The following MYO7A variants were observed in gnomAD, a reference collection of about 807,000 sequenced individuals.
MYO7A encodes the protein unconventional myosin-VIIa.
A neutral mutation model predicts 263.8 loss-of-function variants in MYO7A; 210 were observed. The ratio of observed to expected loss-of-function variants is 0.80; its 90% confidence interval spans 0.71 to 0.89. The LOEUF (loss-of-function observed/expected upper bound fraction) is 0.89, where lower values mean the gene tolerates loss of function less well. Among genes scored for constraint, MYO7A ranks in the 40% least tolerant of loss-of-function variants. The pLI, the probability that MYO7A is intolerant of heterozygous loss-of-function variation, is 0.00. For missense variants in MYO7A, 2,820 were observed against 2,968.3 expected, an observed-to-expected ratio of 0.95 and a Z score of 1.16; for synonymous variants, 1,239 against 1,197.3, an observed-to-expected ratio of 1.03 and a Z score of -0.72.
At position 77,193,021 on chromosome 11, in the gene MYO7A, A is replaced by G. The variant is rs1179061690; in HGVS notation, c.4152+743A>G. 4.3e-4 allele frequency among the ~76,000 whole-genome samples: 52 copies of G among 120,262 alleles called. 11 individuals carry two copies. Among genetic ancestry groups the G allele is most frequent in the African/African-American group, 7.9e-4 (20 of 25,252 alleles). 78.9% of individuals were successfully genotyped at this position (120,262 alleles called of 152,430 possible). ...TGATGCTGTTGGTGATGGTGGAGGT[A>G]GCGATGGTGTTGTTGGTGATGGTGG... On this transcript the variant is annotated intron_variant, in intron 31 of 48. Transcript: ENST00000409709.
rs1200146134 is a variant in MYO7A at position 77,156,925 on chromosome 11, T to A, written c.656T>A (p.Ile219Asn). 3 of 1,613,844 alleles carry A rather than the reference T, an allele frequency of 1.9e-6. No homozygotes were observed. Among genetic ancestry groups the A allele is most frequent in the Non-Finnish European group, 2.5e-6 (3 of 1,179,892 alleles). The change falls in exon 7 of 49, where the codon ATC (isoleucine) becomes AAC (asparagine). Residue 219 changes from isoleucine (I) to asparagine (N), a missense_variant. Ile to Asn is a moderately radical substitution (Grantham distance 149). Transcript: ENST00000409709. ...AGCCGTTTCGGAAAGTACATCGACA[T>A]CCACTTCAACAAGCGGGGCGCCATC... The part of the protein sequence containing the change: ...NSSRFGKYID[I>N]HFNKRGAIEG...
Position 77,214,955 on chromosome 11 carries a change from T to C in MYO7A, c.*259T>C, listed in dbSNP as rs1313766428. 4.3e-6 allele frequency: 2 copies of C among 469,464 alleles called. No homozygotes were observed. The highest frequency in any genetic ancestry group is 6.0e-5 in the South Asian group (2 of 33,500). The allele number at this position is 469,464 out of a possible 1,614,324, so 29.1% of individuals were successfully genotyped here. ...TAGTTTGCTGTGGCCTTCCCGGTTG[T>C]GAGAGCCTGTGATCCTTAGATGTGT... On this transcript the variant is annotated 3_prime_UTR_variant, in exon 49 of 49. Coordinates refer to ENST00000409709, the MANE Select transcript of MYO7A (RefSeq NM_000260.4).
chr11:77,184,458 G>C, intron 26 of MYO7A, 130 bp from the exon 27 acceptor site: 6 of 748,910 alleles, frequency 8.0e-6, no homozygotes, highest in Non-Finnish European at 1.3e-5. Flanking sequence ...GACAGTGATG[G>C]GGAGCCCAGT....
intron 2 of MYO7A, among the ~76,000 whole-genome samples, chr11:77,136,942 C>G (rs1214817914): frequency 2.0e-5 from 3 of 152,158 alleles, no homozygotes; most frequent in Non-Finnish European, 4.4e-5. Flanking sequence ...AGGCTGGGAG[C>G]TCTGAGGACA....
At chr11:77,155,709 G>A (rs577988544) in intron 4 of MYO7A, among the ~76,000 whole-genome samples, 198 bp from the exon 5 acceptor site, 1 of 152,186 alleles carries the variant, frequency 6.6e-6, no homozygotes, top group Non-Finnish European at 1.5e-5. Context: ...CACTAACTCC[G>A]AGCCAGACCC....
chr11:77,141,864 C>T (rs1162107458), intron 2 of MYO7A, among the ~76,000 whole-genome samples: 1 of 152,224 alleles, frequency 6.6e-6, no homozygotes, highest in Non-Finnish European at 1.5e-5. Context: ...TGACAGCACT[C>T]ACCAGTATCC....
rs570806660 is a variant in MYO7A at position 77,132,994 on chromosome 11, C to T, written c.18+2342C>T. The stretch of plus-strand genomic sequence containing the variant: ...CTGAAGCATACTTCCTGCTTGAAGG[C>T]AGGAGGAGCAGGCATTCACCTACTA... On this transcript the variant is annotated intron_variant, in intron 2 of 48. Coordinates refer to ENST00000409709, the MANE Select transcript of MYO7A (RefSeq NM_000260.4). 2.2e-4 allele frequency among the ~76,000 whole-genome samples: 34 copies of T among 152,294 alleles called. No individual in the cohort carries two copies. In the South Asian group the frequency reaches 7.0e-3, roughly 32 times the overall value.
chr11:77,170,394 G>GGAGGGGCTT (rs1323860869), intron 15 of MYO7A, among the ~76,000 whole-genome samples: 1 of 152,176 alleles, frequency 6.6e-6, no homozygotes, highest in African/African-American at 2.4e-5. Flanking sequence ...TGGAGGGGCT[G>GGAGGGGCTT]GAGGGGAGGG....
In MYO7A at chr11:77,138,864, G is replaced by T. The variant is rs1225590432; in HGVS notation, c.19-3845G>T. On this transcript the variant is annotated intron_variant, in intron 2 of 48. Transcript: ENST00000409709. This position sits in a 1 kb window ranked among gnomAD's most constrained non-coding sequence, Gnocchi z 4.9. ...CTCACGTTTCCCATCTGTGAAAATG[G>T]GGTGATAAAACCGGTGTCCCAGAGT... 6.6e-6 allele frequency among the ~76,000 whole-genome samples: 1 copy of T among 152,244 alleles called. No individual in the cohort carries two copies.
At position 77,211,171 on chromosome 11, in the gene MYO7A, G is replaced by C. The variant is rs770778096; in HGVS notation, c.6071G>C (p.Arg2024Pro). Reference protein sequence around the residue: ...HYYQELPKYLRGYHKCTREEV... With the variant: ...HYYQELPKYLPGYHKCTREEV... Reference sequence around the variant, plus strand: ...TGACAGGAGTTGCCCAAGTATCTCCGAGGCTACCACAAGTGCACGCGGGAG... The same window carrying C: ...TGACAGGAGTTGCCCAAGTATCTCCCAGGCTACCACAAGTGCACGCGGGAG... The change falls in exon 45 of 49, where the codon CGA becomes CCA. Residue 2024 changes from arginine (R) to proline (P), a missense_variant. Arg to Pro is a moderately radical substitution (Grantham distance 103). Transcript: ENST00000409709. The C allele has an allele frequency of 1.3e-6, 2 of 1,586,244 alleles. No individual in the cohort carries two copies. Among genetic ancestry groups the C allele is most frequent in the Admixed American group, 3.6e-5 (2 of 56,314 alleles).
chr11:77,182,258 G>T (rs1955296404), intron 24 of MYO7A, 104 bp downstream of exon 24: 2 of 1,486,000 alleles, frequency 1.3e-6, no homozygotes, highest in South Asian at 2.5e-5. Flanking sequence ...GTGGGTCCCT[G>T]GGGGCCAGGG....
At chr11:77,183,816 C>T (rs1169856767) in intron 26 of MYO7A, among the ~76,000 whole-genome samples, 2 of 152,178 alleles carry the variant, frequency 1.3e-5, no homozygotes, top group Non-Finnish European at 1.5e-5. Context: ...GAGTCAGGGG[C>T]TCCCACTTCA....
intron 30 of MYO7A, 106 bp from the exon 31 acceptor site, chr11:77,191,945 C>G: frequency 2.0e-6 from 2 of 1,007,144 alleles, no homozygotes. Flanking sequence ...GTCCCTGCCC[C>G]TCGCTGGGCC....
rs1555083348 is a variant in MYO7A at position 77,180,393 on chromosome 11, C to T, written c.2606C>T (p.Ala869Val). 2 of 1,612,722 alleles carry T rather than the reference C, an allele frequency of 1.2e-6. No homozygotes were observed. The highest frequency in any genetic ancestry group is 1.7e-6 in the Non-Finnish European group (2 of 1,179,772). The change falls in exon 22 of 49, where the codon GCT (alanine) becomes GTT (valine). Residue 869 changes from alanine (A) to valine (V), a missense_variant. Transcript: ENST00000409709. ...CCTCAGTATCTGTGGCGCCTCGAGG[C>T]TGAGAAAATGCGGCTGGCGGAGGAA... is the stretch of plus-strand genomic sequence containing the variant. ...LRAEYLWRLE[A>V]EKMRLAEEEK...
intron 22 of MYO7A, 101 bp from the exon 23 acceptor site, chr11:77,181,279 A>G: frequency 9.3e-7 from 1 of 1,071,256 alleles, no homozygotes; most frequent in Admixed American, 2.6e-5. Context: ...GTGGGGACTG[A>G]GGCCCTGGCT....
In MYO7A at chr11:77,147,945, A is replaced by C; in HGVS notation, c.280A>C (p.Ile94Leu). ...NLLIRYRDHL[I>L]YTYTGSILVA... ...GCTTATCCGCTACCGGGACCACCTC[A>C]TCTACGTGAGTGCCGCCCCGCCCGG... is the stretch of plus-strand genomic sequence containing the variant. The change falls in exon 4 of 49, where the codon ATC becomes CTC. Residue 94 changes from isoleucine to leucine, a missense_variant. By Grantham distance (5) the Ile-to-Leu change is conservative (BLOSUM62 2). Coordinates refer to ENST00000409709, the MANE Select transcript of MYO7A (RefSeq NM_000260.4). The C allele has an allele frequency of 6.5e-7, 1 of 1,547,456 alleles. No individual in the cohort carries two copies. The highest frequency in any genetic ancestry group is 8.7e-7 in the Non-Finnish European group (1 of 1,145,652).
At chr11:77,200,281 AAG>A (rs1313241450) in intron 35 of MYO7A, among the ~76,000 whole-genome samples, 1 of 151,980 alleles carries the variant, frequency 6.6e-6, no homozygotes, top group African/African-American at 2.4e-5. Context: ...AAAAAAAAAA[AAG>A]AAAAGAAACA....
Position 77,179,174 on chromosome 11 carries a change from C to A in MYO7A, c.2367+45C>A, listed in dbSNP as rs575022124. ...GCTCTTGCCCAAACAGGCCTTTGAA[C>A]CCAGCCTTGCTGCCATGGCAGTGGG... On this transcript the variant is annotated intron_variant, in intron 20 of 48. Transcript: ENST00000409709. 14 of 1,521,734 alleles carry A rather than the reference C, an allele frequency of 9.2e-6. No homozygotes were observed. The Admixed American group carries it at 2.3e-4, about 25-fold the overall frequency. The allele number at this position is 1,521,734 out of a possible 1,614,324, so 94.3% of individuals were successfully genotyped here.
chr11:77,135,665 T>C (rs2135546708), intron 2 of MYO7A, among the ~76,000 whole-genome samples: 1 of 152,322 alleles, frequency 6.6e-6, no homozygotes, highest in East Asian at 1.9e-4. Flanking sequence ...TCACAACATT[T>C]GTATTATTTC....
Sources: allele counts gnomAD v4.1 joint callset (sites outside exome capture counted in the v4.1 genomes callset), GRCh38; gene constraint gnomAD v4.1.1; non-coding constraint Gnocchi (gnomAD v3.1); transcripts MANE v1.5; gene names NCBI Gene and HGNC (gene_info 2026-07-23, HGNC 2026-07-21).